Variants in PLCB1 observed in about 807,000 individuals in gnomAD.
The protein encoded by PLCB1 is 1-phosphatidylinositol 4,5-bisphosphate phosphodiesterase beta-1.
In PLCB1, 46 loss-of-function variants were observed where a neutral mutation model predicts 161.8. The observed-to-expected ratio is 0.28, with a 90% CI of 0.22 to 0.36. The LOEUF is 0.36. Among genes scored for constraint, PLCB1 ranks in the 10% least tolerant of loss-of-function variants. PLCB1 has a pLI of 1.00. For missense variants in PLCB1, 1,016 were observed against 1,472.5 expected (o/e 0.69, Z 5.07); for synonymous variants, 517 against 503.7 (o/e 1.03, Z -0.35).
intron 14 of PLCB1, among the ~76,000 whole-genome samples, chr20:8,719,855 G>T (rs1218198370): frequency 6.6e-6 from 1 of 151,750 alleles, no homozygotes; most frequent in Admixed American, 6.6e-5. Context: ...GGACAATCAG[G>T]GTTAAAAAAA....
intron 19 of PLCB1, among the ~76,000 whole-genome samples, chr20:8,734,067 G>A (rs555987192): frequency 7.3e-6 from 1 of 136,386 alleles, no homozygotes; most frequent in African/African-American, 2.7e-5. Flanking sequence ...GGTGGAGCTT[G>A]CAGAGAGCCC....
chr20:8,795,489 A>G (rs1415707816), intron 31 of PLCB1, among the ~76,000 whole-genome samples: 2 of 152,188 alleles, frequency 1.3e-5, no homozygotes, highest in African/African-American at 2.4e-5. Flanking sequence ...ATTCGACTGC[A>G]TGTTTTCTAG....
At chr20:8,269,918 C>A (rs998588750) in intron 2 of PLCB1, among the ~76,000 whole-genome samples, 7 of 151,592 alleles carry the variant, frequency 4.6e-5, no homozygotes, top group African/African-American at 1.7e-4. Flanking sequence ...GCCTGGCTAA[C>A]CTTATTTAAT....
chr20:8,217,148 A>G (rs557427845), intron 2 of PLCB1, among the ~76,000 whole-genome samples: 1 of 152,226 alleles, frequency 6.6e-6, no homozygotes, highest in East Asian at 1.9e-4. Context: ...CCTTATTCAC[A>G]TCTCCTTTGT....
intron 3 of PLCB1, among the ~76,000 whole-genome samples, chr20:8,622,170 C>T (rs879610757): frequency 6.6e-6 from 1 of 151,538 alleles, no homozygotes; most frequent in African/African-American, 2.4e-5. Flanking sequence ...AGGAGAATCG[C>T]TTGAACCAGG....
intron 3 of PLCB1, among the ~76,000 whole-genome samples, chr20:8,447,502 G>GT (rs1376388072): frequency 1.3e-5 from 2 of 152,184 alleles, no homozygotes; most frequent in Non-Finnish European, 2.9e-5. Flanking sequence ...CATGTTGTGA[G>GT]TAACAGTCTA....
intron 4 of PLCB1, among the ~76,000 whole-genome samples, chr20:8,629,963 CTTCTTTCTTTCTTTCTTTCTTTCTTTCT>C (rs201039269): frequency 2.3e-4 from 25 of 111,070 alleles, no homozygotes; most frequent in Admixed American, 3.9e-4. Context: ...TTCTTTCTTT[CTTCTTTCTTTCTTTCTTTCTTTCTTTCT>C]TTCTTTCTTT....
At chr20:8,800,966 G>A (rs1984254208) in intron 31 of PLCB1, among the ~76,000 whole-genome samples, 1 of 152,096 alleles carries the variant, frequency 6.6e-6, no homozygotes, top group African/African-American at 2.4e-5. Flanking sequence ...GCTGCCACAT[G>A]TACACACTCA....
intron 31 of PLCB1, among the ~76,000 whole-genome samples, chr20:8,795,508 T>C (rs1983972449): frequency 6.6e-6 from 1 of 152,210 alleles, no homozygotes; most frequent in African/African-American, 2.4e-5. Flanking sequence ...AGCAATGAGA[T>C]ATTCGATTCA....
At position 8,463,849 on chromosome 20, in the gene PLCB1, C is replaced by A. The variant is rs189764286; in HGVS notation, c.246+92399C>A. Reference sequence around the variant, plus strand: ...AAACCACACACATTAGACATTTTTACTACAATCAATGCTTATAGAAATTCA... The same window carrying A: ...AAACCACACACATTAGACATTTTTAATACAATCAATGCTTATAGAAATTCA... On this transcript the variant is annotated intron_variant, in intron 3 of 31. Transcript: ENST00000338037. Among the ~76,000 whole-genome samples, 455 of 152,292 alleles carry A rather than the reference C, an allele frequency of 3.0e-3. 3 individuals are homozygous for A. The highest frequency in any genetic ancestry group is 9.8e-3 in the African/African-American group (408 of 41,580).
chr20:8,533,778 G>A (rs1240713042), intron 3 of PLCB1, among the ~76,000 whole-genome samples: 1 of 151,942 alleles, frequency 6.6e-6, no homozygotes, highest in Non-Finnish European at 1.5e-5. Context: ...TTTGTCAGAT[G>A]AGTAGGTTGC....
chr20:8,236,155 A>G, intron 2 of PLCB1, among the ~76,000 whole-genome samples: 1 of 152,174 alleles, frequency 6.6e-6, no homozygotes. Flanking sequence ...ATATAGTGTA[A>G]GACAACTAAT....
intron 2 of PLCB1, among the ~76,000 whole-genome samples, chr20:8,279,477 A>G (rs1982768522): frequency 6.6e-6 from 1 of 152,216 alleles, no homozygotes; most frequent in Non-Finnish European, 1.5e-5. Context: ...TTATTATTTA[A>G]TGAGCACAGT....
At chr20:8,657,400 AG>A (rs1222645201) in intron 8 of PLCB1, 116 bp downstream of exon 8, 2 of 709,058 alleles carry the variant, frequency 2.8e-6, no homozygotes, top group Admixed American at 3.9e-5. Context: ...TGTGTCTAAA[AG>A]CAATATTCCT....
intron 9 of PLCB1, among the ~76,000 whole-genome samples, chr20:8,679,472 C>G (rs1990163370): frequency 6.6e-6 from 1 of 152,132 alleles, no homozygotes; most frequent in Admixed American, 6.6e-5. Flanking sequence ...AGTAAATACT[C>G]AAGGGCCTTT....
At chr20:8,233,475 C>G (rs1980171507) in intron 2 of PLCB1, among the ~76,000 whole-genome samples, 1 of 152,074 alleles carries the variant, frequency 6.6e-6, no homozygotes, top group Non-Finnish European at 1.5e-5. Flanking sequence ...GACAGGCATT[C>G]GAAAATAGCG....
intron 2 of PLCB1, among the ~76,000 whole-genome samples, chr20:8,251,283 G>T (rs781213858): frequency 6.6e-6 from 1 of 151,902 alleles, no homozygotes; most frequent in African/African-American, 2.4e-5. Flanking sequence ...TAGGAATTTG[G>T]GGGGAACACA....
chr20:8,736,922 C>A, intron 19 of PLCB1, 106 bp from the exon 20 acceptor site: 1 of 801,952 alleles, frequency 1.2e-6, no homozygotes, highest in Non-Finnish European at 2.0e-6. Context: ...GCTTATAATT[C>A]AACATTTGCT....
chr20:8,548,449 C>T (rs1366683939), intron 3 of PLCB1, among the ~76,000 whole-genome samples: 5 of 141,808 alleles, frequency 3.5e-5, no homozygotes, highest in African/African-American at 1.0e-4. Context: ...ATCCTGTTTT[C>T]ATTAATTTGT....
Sources: allele counts gnomAD v4.1 joint callset (sites outside exome capture counted in the v4.1 genomes callset), GRCh38; gene constraint gnomAD v4.1.1; transcripts MANE v1.5; gene names NCBI Gene and HGNC (gene_info 2026-07-23, HGNC 2026-07-21).